DMD: variants seen among roughly 807,000 people sequenced by gnomAD.
DMD encodes mutant dystrophin.
DMD carries 63 observed loss-of-function variants against 330.1 expected under a neutral mutation model. The observed-to-expected ratio is 0.19, with a 90% confidence interval of 0.16 to 0.24. The LOEUF (loss-of-function observed/expected upper bound fraction) is 0.24, where lower values mean the gene tolerates loss of function less well. Among genes scored for constraint, DMD ranks in the 10% least tolerant of loss-of-function variants. The pLI, the probability that DMD is intolerant of heterozygous loss-of-function variation, is 1.00. For missense variants in DMD, 3,344 were observed against 2,684.1 expected (o/e 1.25, Z -5.43); for synonymous variants, 1,223 against 959.8 (o/e 1.27, Z -5.07).
chrX:33,268,506 C>T (rs941171316), intron 1 of DMD, among the ~76,000 whole-genome samples: 2 of 111,711 alleles, frequency 1.8e-5, no homozygotes, highest in African/African-American at 6.5e-5. Context: ...AAACACTTCT[C>T]AAAGGAAGAC....
At chrX:31,128,071 A>G (rs1402083856) in intron 77 of DMD, among the ~76,000 whole-genome samples, 4 of 111,976 alleles carry the variant, frequency 3.6e-5, no homozygotes, top group African/African-American at 1.3e-4. Context: ...TGATGTTCCC[A>G]TCATTTGGGG....
intron 6 of DMD, among the ~76,000 whole-genome samples, chrX:32,811,368 G>T (rs1297067121): frequency 4.5e-5 from 5 of 110,267 alleles, no homozygotes; most frequent in Non-Finnish European, 5.7e-5. Context: ...AAAACTGCAT[G>T]CCTCAAATCA....
intron 1 of DMD, among the ~76,000 whole-genome samples, chrX:33,278,819 AAAG>A (rs2053275976): frequency 8.9e-6 from 1 of 111,870 alleles, no homozygotes; most frequent in African/African-American, 3.3e-5. Context: ...AAAAAAGGAC[AAAG>A]AAGGTCACTA....
chrX:32,639,874 CA>C (rs1444962575), intron 11 of DMD, among the ~76,000 whole-genome samples: 1 of 110,067 alleles, frequency 9.1e-6, no homozygotes, highest in African/African-American at 3.3e-5. Context: ...ATGACTGAGG[CA>C]ATTAGAAAAG....
At chrX:31,396,328 G>A (rs1235664938) in intron 60 of DMD, among the ~76,000 whole-genome samples, 2 of 109,892 alleles carry the variant, frequency 1.8e-5, no homozygotes, top group Non-Finnish European at 3.8e-5. Context: ...TAGTAGAGAC[G>A]GGGTTTCACC....
intron 5 of DMD, among the ~76,000 whole-genome samples, chrX:32,817,395 C>T (rs1317635777): frequency 8.9e-6 from 1 of 112,133 alleles, no homozygotes; most frequent in East Asian, 2.8e-4. Context: ...CGTGCATGTG[C>T]AGATGTTATT....
chrX:31,929,931 T>C (rs1803330042), intron 46 of DMD, among the ~76,000 whole-genome samples, 186 bp from the exon 47 acceptor site: 1 of 111,593 alleles, frequency 9.0e-6, no homozygotes, highest in African/African-American at 3.3e-5. Flanking sequence ...ACCCCCTCAG[T>C]AGATAAATCT....
intron 51 of DMD, among the ~76,000 whole-genome samples, chrX:31,741,420 T>C (rs1001093667): frequency 8.9e-6 from 1 of 112,003 alleles, no homozygotes; most frequent in Non-Finnish European, 1.9e-5. Context: ...GACTTGAAAG[T>C]TGAAGTGACT....
Position 32,584,233 on chromosome X carries a change from C to T in DMD, c.1603-10387G>A, listed in dbSNP as rs778142678. ...TATACAAATGAAAAATGAGAGATGA[C>T]ATTATAAAGTCACCAGAAAGGCTCA... On this transcript the variant is annotated intron_variant, in intron 13 of 78. Coordinates refer to ENST00000357033, the MANE Select transcript of DMD (RefSeq NM_004006.3). Among the ~76,000 whole-genome samples the T allele has an allele frequency of 5.8e-4, 65 of 111,396 alleles. 1 individual carries two copies. The highest frequency in any genetic ancestry group is 2.0e-3 in the African/African-American group (61 of 30,728).
At chrX:31,731,549 A>G (rs1460819375) in intron 51 of DMD, among the ~76,000 whole-genome samples, 1 of 111,736 alleles carries the variant, frequency 8.9e-6, no homozygotes, top group Non-Finnish European at 1.9e-5. Flanking sequence ...CTTTAAATAC[A>G]CAGGGCTGGC....
chrX:32,007,698 A>C (rs1795586), intron 44 of DMD, among the ~76,000 whole-genome samples: 2 of 108,983 alleles, frequency 1.8e-5, no homozygotes, highest in African/African-American at 3.3e-5. Flanking sequence ...GTTTGGGGGG[A>C]CGTGGTGGGG....
intron 41 of DMD, among the ~76,000 whole-genome samples, chrX:32,312,346 TC>T (rs1196008235): frequency 9.0e-6 from 1 of 111,463 alleles, no homozygotes; most frequent in African/African-American, 3.2e-5. Context: ...TTCTGATTCT[TC>T]TTTGATATGT....
chrX:31,564,646 T>G (rs1186461128), intron 55 of DMD, among the ~76,000 whole-genome samples: 1 of 112,422 alleles, frequency 8.9e-6, no homozygotes, highest in Non-Finnish European at 1.9e-5. Context: ...TAAGACCCCC[T>G]AAATTATCAG....
intron 43 of DMD, among the ~76,000 whole-genome samples, chrX:32,252,667 T>TATATATATAAAA (rs2097269909): frequency 2.5e-5 from 1 of 40,748 alleles, no homozygotes; most frequent in Non-Finnish European, 3.8e-5. Flanking sequence ...TATATAAATA[T>TATATATATAAAA]ATATATATAA....
intron 51 of DMD, among the ~76,000 whole-genome samples, chrX:31,745,682 TA>T: frequency 8.9e-6 from 1 of 112,197 alleles, no homozygotes; most frequent in East Asian, 2.8e-4. Context: ...AAAGAATTAT[TA>T]AACAAATTTG....
At chrX:32,195,023 G>T (rs1169948653) in intron 44 of DMD, among the ~76,000 whole-genome samples, 1 of 111,146 alleles carries the variant, frequency 9.0e-6, no homozygotes, top group Non-Finnish European at 1.9e-5. Flanking sequence ...TCTGGCAAGA[G>T]GGCAGAGGTG....
chrX:32,717,030 A>T (rs1332013623), intron 7 of DMD, among the ~76,000 whole-genome samples: 1 of 111,286 alleles, frequency 9.0e-6, no homozygotes, highest in East Asian at 2.8e-4. Flanking sequence ...TTAAAAGGGA[A>T]GCAGAGCATA....
chrX:32,881,059 A>C (rs189893977), intron 2 of DMD, among the ~76,000 whole-genome samples: 1 of 113,073 alleles, frequency 8.8e-6, no homozygotes, highest in Non-Finnish European at 1.9e-5. Flanking sequence ...TTATGAATAC[A>C]AACAGGTATG....
intron 55 of DMD, among the ~76,000 whole-genome samples, chrX:31,622,298 G>GACACACACAC (rs774285230): frequency 9.4e-6 from 1 of 106,675 alleles, no homozygotes; most frequent in Non-Finnish European, 2.0e-5. Flanking sequence ...CACACCGACA[G>GACACACACAC]ACACACACAC....
Sources: gnomAD v4.1 joint callset for allele counts (sites outside exome capture counted in the v4.1 genomes callset) on GRCh38, gnomAD v4.1.1 for gene constraint, MANE v1.5 for transcripts, NCBI Gene and HGNC (gene_info 2026-07-23, HGNC 2026-07-21) for gene names.